PPCS: variants seen among roughly 807,000 people sequenced by gnomAD.
The protein encoded by PPCS is phosphopantothenoylcysteine synthetase.
A neutral mutation model predicts 24.6 loss-of-function variants in PPCS; 17 were observed. That is an observed-to-expected ratio of 0.69 (90% CI 0.47 to 1.04). The LOEUF is 1.04. PPCS is among the 50% of genes least tolerant of loss of function. The probability of loss-of-function intolerance (pLI) is 0.00; values close to 1 mark genes in which losing one functional copy is unlikely to be tolerated. For synonymous variants in PPCS, 190 were observed against 168.3 expected (o/e 1.13, Z -1.00); for missense variants, 360 against 402.8 (o/e 0.89, Z 0.91).
intron 2 of PPCS, among the ~76,000 whole-genome samples, chr1:42,469,890 A>C (rs962273856): frequency 5.3e-5 from 8 of 152,224 alleles, no homozygotes; most frequent in African/African-American, 1.9e-4. Flanking sequence ...TGAGTGAAAT[A>C]GTAACAGAAA....
chr1:42,459,356 GT>G, intron 2 of PPCS: 1 of 472,642 alleles, frequency 2.1e-6, no homozygotes, highest in Middle Eastern at 5.7e-4. Context: ...TAGAGACATG[GT>G]TTTGCCATGT....
rs1643246587 is a variant in PPCS at position 42,457,369 on chromosome 1, C to T, written c.612+19C>T. 1.3e-6 allele frequency: 2 copies of T among 1,593,544 alleles called. No homozygotes were observed. Among genetic ancestry groups the T allele is most frequent in the Non-Finnish European group, 1.7e-6 (2 of 1,161,316 alleles). ...ACTGCAGGTGATGGGCGCTTCTCTT[C>T]CAGAGATCTAATCCCATATAACCAA... On this transcript the variant is annotated intron_variant, in intron 2 of 2. Transcript: ENST00000372561.
intron 2 of PPCS, 70 bp from the exon 3 acceptor site, chr1:42,459,533 T>C: frequency 1.6e-6 from 2 of 1,278,692 alleles, no homozygotes; most frequent in South Asian, 1.4e-5. Flanking sequence ...AATTCCTTAG[T>C]TTCCCATGAG....
At chr1:42,471,311 A>G (rs539292423) in intron 2 of PPCS, among the ~76,000 whole-genome samples, 9 of 152,276 alleles carry the variant, frequency 5.9e-5, no homozygotes, top group African/African-American at 2.2e-4. Context: ...CCCCTACAGC[A>G]TGGGGATTAT....
rs746009484 is a variant in PPCS at position 42,456,836 on chromosome 1, C to A, written c.271C>A (p.Pro91Thr). Residue 91 changes from proline (P) to threonine (T), a missense_variant, in exon 1 of 3, where the codon CCC becomes ACC. This residue lies in a region of PPCS where 244 missense variants were observed against 234.7 expected (regional missense o/e 1.04). Transcript: ENST00000372561. ...LFLYRARSAF[P>T]YAHRFPPQTW... ...CTTGTATCGCGCTCGCTCTGCCTTC[C>A]CCTATGCCCACCGCTTCCCACCCCA... is the stretch of plus-strand genomic sequence containing the variant. 6.2e-7 allele frequency: 1 copy of A among 1,613,430 alleles called. No individual in the cohort carries two copies. Among genetic ancestry groups the A allele is most frequent in the Non-Finnish European group, 8.5e-7 (1 of 1,180,048 alleles).
chr1:42,467,781 AG>A (rs1253099331), intron 2 of PPCS: 1 of 152,234 alleles, frequency 6.6e-6, no homozygotes, highest in Non-Finnish European at 1.5e-5. Context: ...GGGAAAATAC[AG>A]GTAACTTTGG....
Position 42,459,703 on chromosome 1 carries a change from T to C in PPCS, c.713T>C (p.Ile238Thr). The change falls in exon 3 of 3, where the codon ATT becomes ACT. Residue 238 changes from isoleucine to threonine, a missense_variant. Ile to Thr is a moderately conservative substitution (Grantham distance 89). Around this residue, in one of 2 missense-constraint regions of PPCS, gnomAD observed 116 missense variants for 168.1 expected, o/e 0.69. Transcript: ENST00000372561. ...TTTAAGTTGGAGACTGACCCCGCCA[T>C]TGTAATTAATCGAGCTCGGAAGGCT... ...ISFKLETDPA[I>T]VINRARKALE... 6.2e-7 allele frequency: 1 copy of C among 1,614,154 alleles called. No homozygotes were observed. Among genetic ancestry groups the C allele is most frequent in the Non-Finnish European group, 8.5e-7 (1 of 1,180,002 alleles).
chr1:42,457,105 G>A, intron 1 of PPCS, 32 bp downstream of exon 1: 3 of 1,575,526 alleles, frequency 1.9e-6, no homozygotes, highest in South Asian at 1.2e-5. Flanking sequence ...CTTTTGCCTG[G>A]AAGCACAGCC....
chr1:42,457,955 C>CAA lies in PPCS; in HGVS notation c.612+619_612+620dup, dbSNP rs547006454. Reference sequence around the variant, plus strand: ...GGGCGACGAGAGCGATACTCCGTCGCAAAAAAAAAAAAAAACACCAAAAAT... The same window carrying CAA: ...GGGCGACGAGAGCGATACTCCGTCGCAAAAAAAAAAAAAAAAACACCAAAAAT... On this transcript the variant is annotated intron_variant, in intron 2 of 2. Coordinates refer to ENST00000372561, the MANE Select transcript of PPCS (RefSeq NM_024664.4). Among the ~76,000 whole-genome samples, 898 of 100,878 alleles carry CAA rather than the reference C, an allele frequency of 8.9e-3. 10 individuals are homozygous for CAA. Among genetic ancestry groups the CAA allele is most frequent in the African/African-American group, 0.026 (688 of 26,070 alleles). 66.2% of individuals were successfully genotyped at this position (100,878 alleles called of 152,430 possible).
downstream of PPCS, among the ~76,000 whole-genome samples, chr1:42,462,111 C>T (rs989712744): frequency 4.6e-5 from 7 of 151,828 alleles, no homozygotes; most frequent in Admixed American, 4.6e-4. Flanking sequence ...GTCTTGTTAA[C>T]GCTTAAAAAC....
chr1:42,465,737 G>A (rs111815594), downstream of PPCS, among the ~76,000 whole-genome samples: 1,188 of 152,244 alleles, frequency 7.8e-3, 21 homozygotes, highest in African/African-American at 0.027. Flanking sequence ...ATGTACGTAA[G>A]CATTTTTAGT....
chr1:42,469,382 T>A (rs959255365), intron 2 of PPCS, among the ~76,000 whole-genome samples: 4 of 151,996 alleles, frequency 2.6e-5, no homozygotes, highest in Non-Finnish European at 4.4e-5. Context: ...AGTACAATGG[T>A]AAGAGCAGAA....
At chr1:42,467,618 T>TA (rs752418587) in intron 2 of PPCS, 1 of 152,232 alleles carries the variant, frequency 6.6e-6, no homozygotes, top group Non-Finnish European at 1.5e-5. Context: ...GCATTGGTCT[T>TA]AAACAGTAGA....
At chr1:42,469,489 G>C (rs72952255) in intron 2 of PPCS, among the ~76,000 whole-genome samples, 2,199 of 152,308 alleles carry the variant, frequency 0.014, 54 homozygotes, top group African/African-American at 0.051. Flanking sequence ...ACAGTAGCTA[G>C]AGAGGTATAT....
downstream of PPCS, chr1:42,463,658 G>A (rs1420027436): frequency 6.6e-6 from 1 of 152,182 alleles, no homozygotes; most frequent in Non-Finnish European, 1.5e-5. Flanking sequence ...CCTCAGCGAG[G>A]TAGGTCGGCG....
intron 2 of PPCS, among the ~76,000 whole-genome samples, chr1:42,471,819 T>A (rs530263954): frequency 6.6e-6 from 1 of 152,254 alleles, no homozygotes; most frequent in Non-Finnish European, 1.5e-5. Flanking sequence ...ATAAATACTG[T>A]TGATGTGGAA....
At chr1:42,472,127 A>G (rs1308024328) in intron 2 of PPCS, among the ~76,000 whole-genome samples, 10 of 152,050 alleles carry the variant, frequency 6.6e-5, no homozygotes. Flanking sequence ...GGTGGCACAC[A>G]CCTGTAATCC....
chr1:42,457,614 G>GA (rs1316577193), intron 2 of PPCS: 1 of 479,306 alleles, frequency 2.1e-6, no homozygotes, highest in African/African-American at 2.0e-5. Flanking sequence ...AATCCTGGGG[G>GA]AGTCGATGAA....
rs1433340490 is a variant in PPCS at position 42,456,822 on chromosome 1, C to T, written c.257C>T (p.Ala86Val). The change falls in exon 1 of 3, where the codon GCT (alanine) becomes GTT (valine). Residue 86 changes from alanine (A) to valine (V), a missense_variant. By Grantham distance (64) the Ala-to-Val change is moderately conservative (BLOSUM62 0). Coordinates refer to ENST00000372561, the MANE Select transcript of PPCS (RefSeq NM_024664.4). ...TACGGGGTCCTGTTCTTGTATCGCG[C>T]TCGCTCTGCCTTCCCCTATGCCCAC... ...AGYGVLFLYRARSAFPYAHRF... is the reference protein window; with the variant it reads ...AGYGVLFLYRVRSAFPYAHRF... 2.5e-6 allele frequency: 4 copies of T among 1,613,438 alleles called. No homozygotes were observed. Among genetic ancestry groups the T allele is most frequent in the Non-Finnish European group, 2.5e-6 (3 of 1,180,032 alleles).
Sources: allele counts gnomAD v4.1 joint callset (sites outside exome capture counted in the v4.1 genomes callset), GRCh38; gene constraint gnomAD v4.1.1; regional missense constraint gnomAD v4.1.1; transcripts MANE v1.5; gene names NCBI Gene and HGNC (gene_info 2026-07-23, HGNC 2026-07-21).